Variants in GULP1 observed in about 807,000 individuals in gnomAD.
The protein encoded by GULP1 is GULP PTB domain containing engulfment adaptor 1.
A neutral mutation model predicts 40.9 loss-of-function variants in GULP1; 19 were observed. The ratio of observed to expected loss-of-function variants is 0.46; its 90% CI spans 0.32 to 0.68. The LOEUF (loss-of-function observed/expected upper bound fraction) is 0.68, where lower values mean the gene tolerates loss of function less well. GULP1 is among the 30% of genes least tolerant of loss of function. The pLI is 0.03. For synonymous variants in GULP1, 119 were observed against 117.6 expected (o/e 1.01, Z -0.08); for missense variants, 312 against 362.2 (o/e 0.86, Z 1.12).
intron 4 of GULP1, among the ~76,000 whole-genome samples, chr2:188,520,651 A>G (rs527581675): frequency 1.3e-5 from 2 of 152,196 alleles, no homozygotes; most frequent in South Asian, 4.1e-4. Flanking sequence ...GAAAGGGAAC[A>G]CCAGTTGTTG....
intron 1 of GULP1, among the ~76,000 whole-genome samples, chr2:188,361,453 T>C (rs2046074843): frequency 6.6e-6 from 1 of 151,918 alleles, no homozygotes; most frequent in Admixed American, 6.6e-5. Flanking sequence ...AGGGCCAGCT[T>C]ATGTAAGATC....
chr2:188,499,076 T>C (rs1330295315), intron 4 of GULP1, among the ~76,000 whole-genome samples: 1 of 148,596 alleles, frequency 6.7e-6, no homozygotes, highest in Non-Finnish European at 1.5e-5. Flanking sequence ...CATAAATGTA[T>C]GTGCTGTGTG....
chr2:188,346,679 G>T (rs2043712274), intron 1 of GULP1, among the ~76,000 whole-genome samples: 1 of 151,586 alleles, frequency 6.6e-6, no homozygotes, highest in Admixed American at 6.6e-5. Context: ...TTTATCCATG[G>T]TGAGTATTTG....
chr2:188,568,636 C>T (rs1698342837), intron 7 of GULP1, among the ~76,000 whole-genome samples: 1 of 152,158 alleles, frequency 6.6e-6, no homozygotes, highest in Non-Finnish European at 1.5e-5. Context: ...CTTCTGGCCT[C>T]ATCTTTCATA....
chr2:188,378,227 A>C (rs2048538444), intron 1 of GULP1, among the ~76,000 whole-genome samples: 1 of 150,422 alleles, frequency 6.6e-6, no homozygotes. Context: ...CAGTCATTTT[A>C]GTCACTACGC....
At chr2:188,519,210 C>G (rs962877770) in intron 4 of GULP1, among the ~76,000 whole-genome samples, 4 of 152,098 alleles carry the variant, frequency 2.6e-5, no homozygotes, top group African/African-American at 9.6e-5. Flanking sequence ...AAGGCTTCTC[C>G]CAGTGTTGCA....
intron 4 of GULP1, among the ~76,000 whole-genome samples, chr2:188,511,870 G>T (rs1264688201): frequency 6.6e-6 from 1 of 151,626 alleles, no homozygotes; most frequent in African/African-American, 2.4e-5. Flanking sequence ...TCCTTTAAAG[G>T]GATAACCTTT....
intron 4 of GULP1, among the ~76,000 whole-genome samples, chr2:188,499,127 ATG>A (rs66692417): frequency 0.13 from 14,528 of 115,968 alleles, 1,134 homozygotes; most frequent in Middle Eastern, 0.2. Flanking sequence ...ATGCACATAT[ATG>A]TGTGTGTATA....
intron 2 of GULP1, among the ~76,000 whole-genome samples, chr2:188,424,504 A>AATT (rs1420598131): frequency 6.6e-6 from 1 of 151,868 alleles, no homozygotes; most frequent in Non-Finnish European, 1.5e-5. Flanking sequence ...TTCACTTATA[A>AATT]ATATTTCTGT....
chr2:188,490,458 CCT>C (rs2062263128), intron 4 of GULP1, among the ~76,000 whole-genome samples: 1 of 152,016 alleles, frequency 6.6e-6, no homozygotes, highest in South Asian at 2.1e-4. Context: ...GAACCCTGCC[CCT>C]GTCTGTTAAA....
At chr2:188,410,224 AT>A (rs1296748709) in intron 2 of GULP1, among the ~76,000 whole-genome samples, 2 of 152,178 alleles carry the variant, frequency 1.3e-5, no homozygotes, top group Non-Finnish European at 2.9e-5. Context: ...AGACTCAAAC[AT>A]AAGACCTCAG....
rs766246317 is a variant in GULP1, at chr2:188,514,082, T to TGTGCGC, written c.91-8673_91-8672insTGCGCG. Among the ~76,000 whole-genome samples the TGTGCGC allele has an allele frequency of 4.6e-3, 693 of 149,306 alleles. 3 individuals are homozygous for TGTGCGC. The highest frequency in any genetic ancestry group is 7.5e-3 in the Non-Finnish European group (503 of 67,288). Reference sequence around the variant, plus strand: ...GTGTGTGTGTGTGTGTGTGTGTGTGTGCGCCCTGCCACTGGGTGGCGTCCT... The same window carrying TGTGCGC: ...GTGTGTGTGTGTGTGTGTGTGTGTGTGTGCGCGCGCCCTGCCACTGGGTGGCGTCCT... On this transcript the variant is annotated intron_variant, in intron 4 of 11. Coordinates refer to ENST00000409830, the MANE Select transcript of GULP1 (RefSeq NM_016315.4).
intron 2 of GULP1, among the ~76,000 whole-genome samples, chr2:188,456,959 A>T (rs2059318443): frequency 6.6e-6 from 1 of 152,046 alleles, no homozygotes; most frequent in Non-Finnish European, 1.5e-5. Context: ...TTAAGATTTG[A>T]ATCCCCCACT....
chr2:188,331,728 G>T (rs1419918270), intron 1 of GULP1, among the ~76,000 whole-genome samples: 1 of 152,106 alleles, frequency 6.6e-6, no homozygotes, highest in East Asian at 1.9e-4. Flanking sequence ...TCCTCAAAAT[G>T]TTATCAATGC....
chr2:188,453,480 T>TGGGTAGATTGTA (rs1371245240), intron 2 of GULP1, among the ~76,000 whole-genome samples: 1 of 152,172 alleles, frequency 6.6e-6, no homozygotes, highest in Non-Finnish European at 1.5e-5. Flanking sequence ...TATAGATTGG[T>TGGGTAGATTGTA]GGGTGTGACT....
At chr2:188,543,686 G>C (rs1291080847) in intron 7 of GULP1, among the ~76,000 whole-genome samples, 1 of 152,108 alleles carries the variant, frequency 6.6e-6, no homozygotes, top group East Asian at 1.9e-4. Context: ...AGATGTTGAA[G>C]TAAGTTTCCC....
At chr2:188,438,578 A>G (rs1361142741) in intron 2 of GULP1, among the ~76,000 whole-genome samples, 2 of 151,632 alleles carry the variant, frequency 1.3e-5, no homozygotes, top group East Asian at 1.9e-4. Flanking sequence ...CTTACTTCCT[A>G]TTACATTGTT....
chr2:188,455,409 G>C (rs2059175575), intron 2 of GULP1, among the ~76,000 whole-genome samples: 2 of 152,136 alleles, frequency 1.3e-5, no homozygotes, highest in South Asian at 4.1e-4. Context: ...TATGGGGGCA[G>C]GACTTTCCTG....
intron 2 of GULP1, among the ~76,000 whole-genome samples, chr2:188,440,070 A>G (rs931609877): frequency 1.1e-4 from 16 of 152,182 alleles, no homozygotes; most frequent in Non-Finnish European, 2.1e-4. Flanking sequence ...GAGCTGGTTT[A>G]TTACAAAATG....
Sources: allele counts gnomAD v4.1 joint callset (sites outside exome capture counted in the v4.1 genomes callset), GRCh38; gene constraint gnomAD v4.1.1; transcripts MANE v1.5; gene names NCBI Gene and HGNC (gene_info 2026-07-23, HGNC 2026-07-21).